Variants in NUDT21 observed in about 807,000 individuals in gnomAD.
NUDT21 encodes the protein nudix hydrolase 21, also known as cleavage and polyadenylation specificity factor subunit 5.
A neutral mutation model predicts 29.8 loss-of-function variants in NUDT21; 5 were observed. The ratio of observed to expected loss-of-function variants is 0.17; its 90% CI spans 0.09 to 0.35. The LOEUF is 0.35. NUDT21 is among the 10% of genes least tolerant of loss of function. The pLI is 1.00. For synonymous variants in NUDT21, 113 were observed against 98.5 expected (o/e 1.15, Z -0.87); for missense variants, 76 against 276.0 (o/e 0.28, Z 5.13).
chr16:56,451,291 C>T lies in NUDT21; in HGVS notation c.-89G>A, dbSNP rs1009017963. 2 of 1,009,692 alleles carry T rather than the reference C, an allele frequency of 2.0e-6. No individual in the cohort carries two copies. The highest frequency in any genetic ancestry group is 2.4e-5 in the East Asian group (1 of 40,936). 62.5% of individuals were successfully genotyped at this position (1,009,692 alleles called of 1,614,324 possible). On this transcript the variant is annotated 5_prime_UTR_variant, in exon 1 of 7. The change abolishes the stop of an existing upstream ORF in the 5' untranslated region. Transcript: ENST00000300291. Reference sequence around the variant, plus strand: ...GGGAAGCGGTTATCTGCAATCCCCTCAGCGGCTACTGCCCGCCATTAACAG... The same window carrying T: ...GGGAAGCGGTTATCTGCAATCCCCTTAGCGGCTACTGCCCGCCATTAACAG...
intron 1 of NUDT21, 24 bp downstream of exon 1, chr16:56,451,063 C>T (rs376902017): frequency 6.6e-5 from 105 of 1,598,138 alleles, no homozygotes; most frequent in Non-Finnish European, 9.0e-5. Flanking sequence ...AGAGAAATGC[C>T]CGCCAAGGCC....
intron 3 of NUDT21, chr16:56,446,358 T>C (rs758479470): frequency 6.5e-6 from 2 of 309,586 alleles, no homozygotes; most frequent in Non-Finnish European, 5.9e-6. Flanking sequence ...AATTAGCGCA[T>C]GTAAAGCACT....
In NUDT21 at chr16:56,441,533, T is replaced by C. The variant is rs116579933; in HGVS notation, c.382-1787A>G. ...CTGGCGTGAGCCACTGCGCCTGGCC[T>C]CTTGATTTTCATTTTAAAAACATTT... On this transcript the variant is annotated intron_variant, in intron 3 of 6. Transcript: ENST00000300291. Among the ~76,000 whole-genome samples the C allele has an allele frequency of 7.4e-3, 1,120 of 152,342 alleles. 16 individuals carry two copies. The highest frequency in any genetic ancestry group is 0.026 in the African/African-American group (1,076 of 41,584).
chr16:56,451,241 C>A lies in NUDT21; in HGVS notation c.-39G>T, dbSNP rs879056201. Reference sequence around the variant, plus strand: ...GGCGCTGACGGCGAGCAGAAAGTGGCAGGCAGGGTAGACTTTCCCCGTGCG... The same window carrying A: ...GGCGCTGACGGCGAGCAGAAAGTGGAAGGCAGGGTAGACTTTCCCCGTGCG... On this transcript the variant is annotated 5_prime_UTR_variant, in exon 1 of 7. Transcript: ENST00000300291. The A allele has an allele frequency of 8.8e-6, 13 of 1,485,570 alleles. No homozygotes were observed. In the South Asian group the frequency reaches 1.4e-4, roughly 16 times the overall value. 92.0% of individuals were successfully genotyped at this position (1,485,570 alleles called of 1,614,324 possible).
At position 56,432,680 on chromosome 16, in the gene NUDT21, C is replaced by T. The variant is rs1265564156; in HGVS notation, c.*32G>A. ...ATATAGCTGTGCTCACAGAGACAAG[C>T]GGCTTCTTTTACTTCTCCACTGCGC... On this transcript the variant is annotated 3_prime_UTR_variant, in exon 7 of 7. Transcript: ENST00000300291. The T allele has an allele frequency of 3.1e-6, 5 of 1,602,934 alleles. No individual in the cohort carries two copies. Among genetic ancestry groups the T allele is most frequent in the African/African-American group, 2.7e-5 (2 of 74,374 alleles).
intron 3 of NUDT21, among the ~76,000 whole-genome samples, chr16:56,440,164 TTTC>T (rs1962143905): frequency 6.6e-6 from 1 of 152,202 alleles, no homozygotes; most frequent in African/African-American, 2.4e-5. Flanking sequence ...CCCCTCATGT[TTTC>T]TTCTATTTTT....
rs1267135040 is a variant in NUDT21, at chr16:56,451,273, G to A, written c.-71C>T. Reference sequence around the variant, plus strand: ...GGTAGACTTTCCCCGTGCGGGAAGCGGTTATCTGCAATCCCCTCAGCGGCT... The same window carrying A: ...GGTAGACTTTCCCCGTGCGGGAAGCAGTTATCTGCAATCCCCTCAGCGGCT... On this transcript the variant is annotated 5_prime_UTR_variant, in exon 1 of 7. Transcript: ENST00000300291. The A allele has an allele frequency of 1.7e-6, 2 of 1,192,706 alleles. No homozygotes were observed. The highest frequency in any genetic ancestry group is 3.0e-5 in the African/African-American group (2 of 66,282). The allele number at this position is 1,192,706 out of a possible 1,614,324, so 73.9% of individuals were successfully genotyped here. A position where few individuals can be genotyped will look rare whatever the true frequency, so the allele number is the denominator to read the frequency against.
At chr16:56,440,527 G>A (rs1240331766) in intron 3 of NUDT21, among the ~76,000 whole-genome samples, 7 of 152,074 alleles carry the variant, frequency 4.6e-5, no homozygotes, top group African/African-American at 1.7e-4. Flanking sequence ...TGTGTTTGAT[G>A]ATCTTGATAG....
chr16:56,435,554 G>A (rs1236136362), intron 4 of NUDT21, among the ~76,000 whole-genome samples: 2 of 149,342 alleles, frequency 1.3e-5, no homozygotes, highest in Admixed American at 6.6e-5. Context: ...GTGAAATCCC[G>A]TCTCTACTAA....
At chr16:56,445,407 T>C (rs1035588405) in intron 3 of NUDT21, among the ~76,000 whole-genome samples, 1 of 152,240 alleles carries the variant, frequency 6.6e-6, no homozygotes, top group Admixed American at 6.5e-5. Context: ...CCTCAAGCAT[T>C]TATCCTTTGT....
At chr16:56,447,650 T>G in intron 2 of NUDT21, 139 bp downstream of exon 2, 2 of 703,704 alleles carry the variant, frequency 2.8e-6, no homozygotes, top group Admixed American at 5.5e-5. Flanking sequence ...AAATTACTCA[T>G]GATTTTCTCT....
At chr16:56,446,322 C>T (rs1309261926) in intron 3 of NUDT21, among the ~76,000 whole-genome samples, 1 of 152,138 alleles carries the variant, frequency 6.6e-6, no homozygotes, top group Non-Finnish European at 1.5e-5. Context: ...ATATCTACTT[C>T]CTACAGTTGT....
chr16:56,435,743 T>TTTTATATATATATA (rs1555514701), intron 4 of NUDT21, among the ~76,000 whole-genome samples: 20 of 27,058 alleles, frequency 7.4e-4, no homozygotes, highest in African/African-American at 2.5e-3. Flanking sequence ...AAAAAAAAAA[T>TTTTATATATATATA]TATATATATA....
chr16:56,442,234 C>A (rs1228707806), intron 3 of NUDT21, among the ~76,000 whole-genome samples: 4 of 152,190 alleles, frequency 2.6e-5, no homozygotes, highest in African/African-American at 2.4e-5. Flanking sequence ...TAGTCTCAAC[C>A]CTGCTTCACA....
chr16:56,436,767 G>C (rs1962108219), intron 4 of NUDT21, among the ~76,000 whole-genome samples: 1 of 152,156 alleles, frequency 6.6e-6, no homozygotes, highest in African/African-American at 2.4e-5. Context: ...CAAAAAGACT[G>C]AGATAGGAAG....
intron 1 of NUDT21, among the ~76,000 whole-genome samples, chr16:56,448,488 T>C (rs1962243858): frequency 6.6e-6 from 1 of 152,226 alleles, no homozygotes; most frequent in African/African-American, 2.4e-5. Context: ...TATCCTCAGA[T>C]TTTTCTTGCA....
At chr16:56,440,799 C>T (rs1962150869) in intron 3 of NUDT21, among the ~76,000 whole-genome samples, 1 of 151,978 alleles carries the variant, frequency 6.6e-6, no homozygotes. Flanking sequence ...AGTGCAATGG[C>T]GCAATATCGG....
chr16:56,440,883 C>T (rs1962152478), intron 3 of NUDT21, among the ~76,000 whole-genome samples: 1 of 151,884 alleles, frequency 6.6e-6, no homozygotes, highest in South Asian at 2.1e-4. Context: ...GGATTACAGG[C>T]ACATGCTACC....
Position 56,432,743 on chromosome 16 carries a change from A to T in NUDT21, c.663-10T>A. 6.3e-7 allele frequency: 1 copy of T among 1,594,128 alleles called. No homozygotes were observed. Among genetic ancestry groups the T allele is most frequent in the Non-Finnish European group, 8.6e-7 (1 of 1,163,366 alleles). On this transcript the variant is annotated splice_polypyrimidine_tract_variant and intron_variant, in intron 6 of 6. Transcript: ENST00000300291. ...GTAAATAAAATTGAACCTGAATTTTAAAAAGAACAATACCTTTATTAAAGA... is the reference window on the plus strand; with the variant it reads ...GTAAATAAAATTGAACCTGAATTTTTAAAAGAACAATACCTTTATTAAAGA...
Sources: gnomAD v4.1 joint callset for allele counts (sites outside exome capture counted in the v4.1 genomes callset) on GRCh38, gnomAD v4.1.1 for gene constraint, MANE v1.5 for transcripts, NCBI Gene and HGNC (gene_info 2026-07-23, HGNC 2026-07-21) for gene names.